The following USP25 variants were observed in gnomAD, a reference collection of about 807,000 sequenced individuals.
The protein encoded by USP25 is ubiquitin carboxyl-terminal hydrolase 25.
A neutral mutation model predicts 158.5 loss-of-function variants in USP25; 85 were observed. The ratio of observed to expected loss-of-function variants is 0.54; its 90% CI spans 0.45 to 0.64. The LOEUF is 0.64. USP25 is among the 30% of genes least tolerant of loss of function. The pLI is 0.00. For synonymous variants in USP25, 464 were observed against 460.4 expected (o/e 1.01, Z -0.10); for missense variants, 1,242 against 1,327.3 (o/e 0.94, Z 1.00).
chr21:15,730,979 T>G (rs74973381), intron 1 of USP25, among the ~76,000 whole-genome samples: 1 of 112,634 alleles, frequency 8.9e-6, no homozygotes, highest in African/African-American at 4.4e-5. Context: ...CTTTTCTGTT[T>G]TTTTTTTTTT....
At chr21:15,748,262 T>A (rs1011793362) in intron 1 of USP25, among the ~76,000 whole-genome samples, 2 of 152,090 alleles carry the variant, frequency 1.3e-5, no homozygotes, top group African/African-American at 2.4e-5. Context: ...AAAACAGGTG[T>A]CAGGAACTTT....
At chr21:15,818,670 G>A (rs1452341161) in intron 9 of USP25, 28 bp from the exon 10 acceptor site, 1 of 1,589,098 alleles carries the variant, frequency 6.3e-7, no homozygotes, top group Admixed American at 1.7e-5. Context: ...GCCATATTGA[G>A]TATTATTAAT....
chr21:15,754,389 C>T (rs889137322), intron 1 of USP25, among the ~76,000 whole-genome samples: 3 of 152,152 alleles, frequency 2.0e-5, no homozygotes, highest in Admixed American at 1.3e-4. Context: ...ATGTATGTAC[C>T]AGGAGTACAG....
chr21:15,827,765 CGTGTGTGTGTGTGTGTGT>C (rs34923569), intron 14 of USP25, among the ~76,000 whole-genome samples: 33 of 136,808 alleles, frequency 2.4e-4, no homozygotes, highest in African/African-American at 6.2e-4. Flanking sequence ...TGTGCGTGTG[CGTGTGTGTGTGTGTGTGT>C]GTGTGTGTGT....
chr21:15,753,312 G>A (rs902225918), intron 1 of USP25, among the ~76,000 whole-genome samples: 2 of 152,178 alleles, frequency 1.3e-5, no homozygotes, highest in African/African-American at 2.4e-5. Flanking sequence ...TCAGGAGCTG[G>A]CTCCAACTGA....
chr21:15,877,936 A>T lies in USP25; in HGVS notation c.3150A>T (p.Leu1050=). The T allele has an allele frequency of 6.2e-7, 1 of 1,613,462 alleles. No individual in the cohort carries two copies. The highest frequency in any genetic ancestry group is 8.5e-7 in the Non-Finnish European group (1 of 1,179,746). The change falls in exon 25 of 26, where the codon CTA becomes CTT. Residue 1050 remains leucine (L), a synonymous_variant. Coordinates refer to ENST00000400183, the MANE Select transcript of USP25 (RefSeq NM_001283041.3). ...LVDEMEEKDI[L]AVEDMRNRWC... is the part of the protein sequence containing the mutation. ...ATGAAATGGAAGAAAAGGATATACT[A>T]GCTGTAGAAGATATGAGAAATCGAT...
chr21:15,803,341 G>A (rs1225454899), intron 6 of USP25, among the ~76,000 whole-genome samples: 2 of 151,738 alleles, frequency 1.3e-5, no homozygotes, highest in East Asian at 1.9e-4. Flanking sequence ...GAATTTGGAA[G>A]CAAAGAATTG....
intron 9 of USP25, among the ~76,000 whole-genome samples, chr21:15,814,260 C>T (rs980365258): frequency 9.2e-5 from 14 of 151,478 alleles, no homozygotes; most frequent in African/African-American, 3.1e-4. Context: ...CCATGTGGAA[C>T]TGTAAGTCCA....
At chr21:15,763,419 C>T in intron 2 of USP25, among the ~76,000 whole-genome samples, 1 of 152,088 alleles carries the variant, frequency 6.6e-6, no homozygotes, top group East Asian at 1.9e-4. Flanking sequence ...ACCCATTCAG[C>T]TAATTACACC....
Position 15,806,636 on chromosome 21 carries a change from T to G in USP25, c.780+1378T>G, listed in dbSNP as rs2036407106. On this transcript the variant is annotated intron_variant, in intron 7 of 25. Coordinates refer to ENST00000400183, the MANE Select transcript of USP25 (RefSeq NM_001283041.3). ...CTTCAGATTAGCAGTGTAGACTAAC[T>G]TTTGAAATTAGTGATTCTTTTTCTT... Among the ~76,000 whole-genome samples, 10 of 152,280 alleles carry G rather than the reference T, an allele frequency of 6.6e-5. No homozygotes were observed. In the South Asian group the frequency reaches 2.1e-3, roughly 32 times the overall value.
intron 18 of USP25, among the ~76,000 whole-genome samples, chr21:15,846,449 A>G (rs1444895487): frequency 6.6e-6 from 1 of 151,838 alleles, no homozygotes; most frequent in East Asian, 1.9e-4. Flanking sequence ...GGTCTAAGCT[A>G]CCACGCCATG....
chr21:15,733,156 C>T (rs2031133679), intron 1 of USP25, among the ~76,000 whole-genome samples: 1 of 118,498 alleles, frequency 8.4e-6, no homozygotes, highest in Admixed American at 1.1e-4. Context: ...CCCAATCTAT[C>T]TAACCCGATG....
At chr21:15,803,256 G>C (rs1435062263) in intron 6 of USP25, among the ~76,000 whole-genome samples, 1 of 151,678 alleles carries the variant, frequency 6.6e-6, no homozygotes, top group African/African-American at 2.4e-5. Context: ...CATTTTGTGA[G>C]CTAAGCATTA....
intron 3 of USP25, among the ~76,000 whole-genome samples, chr21:15,768,907 A>G (rs892780654): frequency 1.3e-5 from 2 of 152,134 alleles, no homozygotes; most frequent in African/African-American, 4.8e-5. Flanking sequence ...TAAGTGATAC[A>G]CTTGGTTGCA....
intron 1 of USP25, among the ~76,000 whole-genome samples, chr21:15,741,079 C>A (rs970998282): frequency 6.6e-6 from 1 of 152,016 alleles, no homozygotes; most frequent in African/African-American, 2.4e-5. Flanking sequence ...ATTTTTATTA[C>A]TGTAGATCAG....
At chr21:15,730,491 C>T (rs1479902558) in intron 1 of USP25, 53 bp downstream of exon 1, 4 of 1,307,588 alleles carry the variant, frequency 3.1e-6, no homozygotes, top group Non-Finnish European at 3.9e-6. Context: ...GACGGGCTGT[C>T]CTCTCCCGCT....
chr21:15,835,725 T>TG (rs2038034121), intron 17 of USP25, among the ~76,000 whole-genome samples: 1 of 152,208 alleles, frequency 6.6e-6, no homozygotes, highest in African/African-American at 2.4e-5. Context: ...TAGAAAGCAG[T>TG]GGTAATACTA....
chr21:15,831,017 CAT>C (rs1181818781), intron 15 of USP25, among the ~76,000 whole-genome samples: 2 of 152,118 alleles, frequency 1.3e-5, no homozygotes, highest in Non-Finnish European at 2.9e-5. Context: ...TGGTGTATAT[CAT>C]ATAATCTATT....
chr21:15,743,061 G>T (rs1216384969), intron 1 of USP25, among the ~76,000 whole-genome samples: 1 of 152,236 alleles, frequency 6.6e-6, no homozygotes, highest in African/African-American at 2.4e-5. Flanking sequence ...GAATGCCACA[G>T]CCCTCTCTTG....
Sources: allele counts gnomAD v4.1 joint callset (sites outside exome capture counted in the v4.1 genomes callset), GRCh38; gene constraint gnomAD v4.1.1; transcripts MANE v1.5; gene names NCBI Gene and HGNC (gene_info 2026-07-23, HGNC 2026-07-21).